FUT8: variants seen among roughly 807,000 people sequenced by gnomAD.
The protein encoded by FUT8 is fucosyltransferase 8.
FUT8 carries 29 observed loss-of-function variants against 71.3 expected under a neutral mutation model. The ratio of observed to expected loss-of-function variants is 0.41; its 90% CI spans 0.30 to 0.55. The LOEUF (loss-of-function observed/expected upper bound fraction) is 0.55. Ranked by LOEUF, FUT8 falls within the 20% of genes least tolerant of loss-of-function variation. The pLI is 0.34. For synonymous variants in FUT8, 254 were observed against 239.3 expected, an observed-to-expected ratio of 1.06 and a Z score of -0.57; for missense variants, 544 against 702.1, an observed-to-expected ratio of 0.77 and a Z score of 2.55.
At chr14:65,735,965 G>A (rs1896195587) in intron 10 of FUT8, among the ~76,000 whole-genome samples, 1 of 152,110 alleles carries the variant, frequency 6.6e-6, no homozygotes, top group Admixed American at 6.6e-5. Context: ...TGCCAATAGA[G>A]CGTGAGAAAA....
At chr14:65,516,989 C>T (rs979678798) in intron 2 of FUT8, among the ~76,000 whole-genome samples, 3 of 151,174 alleles carry the variant, frequency 2.0e-5, no homozygotes, top group Admixed American at 6.6e-5. Flanking sequence ...AGGACTGGCT[C>T]ATTGTATTTA....
chr14:65,436,345 T>C (rs979957869), intron 1 of FUT8, among the ~76,000 whole-genome samples: 1 of 152,112 alleles, frequency 6.6e-6, no homozygotes, highest in African/African-American at 2.4e-5. Context: ...AAAACAATGA[T>C]AGTGGCCAGG....
chr14:65,720,204 C>T (rs1045944106), intron 7 of FUT8, among the ~76,000 whole-genome samples: 4 of 152,340 alleles, frequency 2.6e-5, no homozygotes, highest in Admixed American at 2.6e-4. Flanking sequence ...ACTTTTCACT[C>T]CTCTTTTCAT....
At chr14:65,701,876 C>T (rs1379624083) in intron 7 of FUT8, among the ~76,000 whole-genome samples, 1 of 152,128 alleles carries the variant, frequency 6.6e-6, no homozygotes, top group Non-Finnish European at 1.5e-5. Flanking sequence ...GAGTAGCCAC[C>T]TCGCCTCTCC....
At chr14:65,599,010 C>T (rs1053693867) in intron 3 of FUT8, among the ~76,000 whole-genome samples, 7 of 152,058 alleles carry the variant, frequency 4.6e-5, no homozygotes, top group African/African-American at 1.2e-4. Context: ...AGGATGGTCT[C>T]GATCTCCTGA....
Position 65,643,384 on chromosome 14 carries a change from G to T in FUT8, c.597+13778G>T, listed in dbSNP as rs933287050. Among the ~76,000 whole-genome samples, 5 of 152,158 alleles carry T rather than the reference G, an allele frequency of 3.3e-5. No individual in the cohort carries two copies. The highest frequency in any genetic ancestry group is 7.3e-5 in the Non-Finnish European group (5 of 68,028). ...AATTGACAGATTCTGGCCCAGCGTG[G>T]TGGCTCACGCCTGTAATCCCAGCAC... On this transcript the variant is annotated intron_variant, in intron 6 of 10. Transcript: ENST00000673929. This position sits in a 1 kb window ranked among gnomAD's most constrained non-coding sequence, Gnocchi z 4.5.
At chr14:65,411,950 C>T (rs1007949469), upstream of FUT8, 2 of 448,832 alleles carry the variant, frequency 4.5e-6, no homozygotes, top group South Asian at 1.6e-5. Flanking sequence ...CTTCGGTCCA[C>T]TGCTCTGCAT....
chr14:65,697,674 C>T (rs745923638), intron 7 of FUT8, among the ~76,000 whole-genome samples: 3 of 152,144 alleles, frequency 2.0e-5, no homozygotes, highest in African/African-American at 7.2e-5. Flanking sequence ...CGGTGGCTCA[C>T]GCCTGTTGCC....
At position 65,532,505 on chromosome 14, in the gene FUT8, A is replaced by G. The variant is rs538053759; in HGVS notation, c.-227-28832A>G. 3.9e-5 allele frequency among the ~76,000 whole-genome samples: 6 copies of G among 152,146 alleles called. No homozygotes were observed. In the South Asian group the frequency reaches 1.2e-3, roughly 32 times the overall value. On this transcript the variant is annotated intron_variant, in intron 2 of 10. Transcript: ENST00000673929. ...TTATTTTTTTCTTGTGAATTTGCTT[A>G]AGTTCCTTATAGATGTTGGAAATTA...
chr14:65,480,341 C>T (rs1288059545), intron 2 of FUT8, among the ~76,000 whole-genome samples: 1 of 133,942 alleles, frequency 7.5e-6, no homozygotes, highest in Non-Finnish European at 1.6e-5. Context: ...CAGGGTCTCA[C>T]TCTGTCACCC....
rs1160643821 is a variant in FUT8, at chr14:65,412,751, C to T, written c.-789C>T. 2 of 172,508 alleles carry T rather than the reference C, an allele frequency of 1.2e-5. No homozygotes were observed. The highest frequency in any genetic ancestry group is 3.8e-4 in the East Asian group (2 of 5,228). 10.7% of individuals were successfully genotyped at this position (172,508 alleles called of 1,614,324 possible). ...CCCCATTCGCGCGCGCACGCCGGCGCTGGCCGAGGCTTCCCCGCCTGCGCT... is the reference window on the plus strand; with the variant it reads ...CCCCATTCGCGCGCGCACGCCGGCGTTGGCCGAGGCTTCCCCGCCTGCGCT... On this transcript the variant is annotated 5_prime_UTR_variant, in exon 1 of 11. Transcript: ENST00000673929.
chr14:65,737,398 G>C (rs1239472081), intron 10 of FUT8, among the ~76,000 whole-genome samples: 1 of 152,042 alleles, frequency 6.6e-6, no homozygotes, highest in Admixed American at 6.6e-5. Context: ...AATTTTGAAA[G>C]CTATGCAACT....
intron 2 of FUT8, among the ~76,000 whole-genome samples, chr14:65,553,595 G>A (rs1885413361): frequency 6.6e-6 from 1 of 151,404 alleles, no homozygotes; most frequent in African/African-American, 2.4e-5. Flanking sequence ...AATTTTGCCG[G>A]CACAGAATAT....
At chr14:65,576,921 G>A (rs921046447) in intron 3 of FUT8, among the ~76,000 whole-genome samples, 36 of 151,586 alleles carry the variant, frequency 2.4e-4, no homozygotes, top group Admixed American at 4.6e-4. Context: ...GGTTTTTACC[G>A]TGTTATCTCC....
chr14:65,384,706 G>T, the FUT8 span, among the ~76,000 whole-genome samples: 3 of 152,072 alleles, frequency 2.0e-5, no homozygotes, highest in Non-Finnish European at 4.4e-5. The surrounding 1 kb of genome is among the most constrained non-coding windows in gnomAD (Gnocchi z 4.2). Context: ...TCAACTGTTG[G>T]GTGCATTTAA....
At chr14:65,425,117 T>C (rs117993815) in intron 1 of FUT8, among the ~76,000 whole-genome samples, 1,844 of 152,202 alleles carry the variant, frequency 0.012, 15 homozygotes, top group Middle Eastern at 0.024. Flanking sequence ...TTTTAAGCCC[T>C]GAGAGCTCTA....
chr14:65,502,294 A>G (rs138539974), intron 2 of FUT8, among the ~76,000 whole-genome samples: 1 of 151,090 alleles, frequency 6.6e-6, no homozygotes, highest in East Asian at 2.0e-4. Flanking sequence ...GTGGGATCTC[A>G]GCTCACTGCA....
intron 2 of FUT8, among the ~76,000 whole-genome samples, chr14:65,526,259 A>G (rs1178328533): frequency 6.6e-6 from 1 of 152,226 alleles, no homozygotes. Flanking sequence ...TATTAGGTGC[A>G]AATATATTTA....
chr14:65,399,843 C>T, the FUT8 span, among the ~76,000 whole-genome samples: 3 of 152,094 alleles, frequency 2.0e-5, no homozygotes, highest in South Asian at 6.2e-4. Flanking sequence ...TCATTGGAAA[C>T]CATTTGCAAG....
Sources: gnomAD v4.1 joint callset for allele counts (sites outside exome capture counted in the v4.1 genomes callset) on GRCh38, gnomAD v4.1.1 for gene constraint, Gnocchi (gnomAD v3.1) non-coding constraint, MANE v1.5 for transcripts, NCBI Gene and HGNC (gene_info 2026-07-23, HGNC 2026-07-21) for gene names.